Variants in CDKN2B-AS1 observed in about 807,000 individuals in gnomAD.
The protein encoded by CDKN2B-AS1 is CDKN2B antisense RNA 1 (non-protein coding).
At chr9:22,113,979 A>G (rs1218275550) in intron 4 of CDKN2B-AS1, among the ~76,000 whole-genome samples, 1 of 152,236 alleles carries the variant, frequency 6.6e-6, no homozygotes, top group Non-Finnish European at 1.5e-5. Context: ...TCTCTTAAAA[A>G]GACTCTATAG....
chr9:22,048,946 G>T (rs1039760294), intron 2 of CDKN2B-AS1, among the ~76,000 whole-genome samples: 2 of 152,138 alleles, frequency 1.3e-5, no homozygotes, highest in East Asian at 1.9e-4. Context: ...CATGTAAGAG[G>T]TATAGTACTA....
At chr9:22,105,404 C>G (rs1825623580) in intron 4 of CDKN2B-AS1, among the ~76,000 whole-genome samples, 2 of 152,174 alleles carry the variant, frequency 1.3e-5, no homozygotes, top group Non-Finnish European at 2.9e-5. Context: ...GGATAGCTCA[C>G]CTTTCTTCCA....
At position 22,006,206 on chromosome 9, in the gene CDKN2B-AS1, C is replaced by T; in HGVS notation, n.29+11045C>T. ...CGCAGTTGGGCTCCGCGCCGTGGAG[C>T]AGCAGCAGCTCCGCCACGCGGGCGC... On this transcript the variant is annotated intron_variant and non_coding_transcript_variant, in intron 1 of 4. Coordinates refer to ENST00000650946, the Ensembl canonical transcript of CDKN2B-AS1. This position sits in a 1 kb window ranked among gnomAD's most constrained non-coding sequence, Gnocchi z 6.4. 1 of 1,608,362 alleles carries T rather than the reference C, an allele frequency of 6.2e-7. No homozygotes were observed. Among genetic ancestry groups the T allele is most frequent in the Non-Finnish European group, 8.5e-7 (1 of 1,179,830 alleles).
intron 4 of CDKN2B-AS1, among the ~76,000 whole-genome samples, chr9:22,065,189 G>T (rs761112818): frequency 1.3e-5 from 2 of 152,088 alleles, no homozygotes; most frequent in Non-Finnish European, 2.9e-5. Context: ...CACTTCTCCC[G>T]TCCAGAAGTT....
At chr9:22,032,166 G>A (rs1405636887) in intron 1 of CDKN2B-AS1, among the ~76,000 whole-genome samples, 1 of 152,066 alleles carries the variant, frequency 6.6e-6, no homozygotes, top group African/African-American at 2.4e-5. Flanking sequence ...GGGGAGAATG[G>A]TCATTTGTGA....
chr9:22,029,401 T>C lies in CDKN2B-AS1; in HGVS notation n.30-17350T>C, dbSNP rs1822372297. ...GAATCTAATCACATAGAGACTTGTCTGACAAATCCAGATTTTTTGGATGTT... is the reference window on the plus strand; with the variant it reads ...GAATCTAATCACATAGAGACTTGTCCGACAAATCCAGATTTTTTGGATGTT... On this transcript the variant is annotated intron_variant and non_coding_transcript_variant, in intron 1 of 4. Transcript: ENST00000650946. The C allele has an allele frequency of 3.9e-6, 3 of 779,080 alleles. No homozygotes were observed. In the Admixed American group the frequency reaches 5.1e-5, roughly 13 times the overall value. 48.3% of individuals were successfully genotyped at this position (779,080 alleles called of 1,614,324 possible).
chr9:22,017,822 T>TTA (rs879812498), intron 1 of CDKN2B-AS1, among the ~76,000 whole-genome samples: 3,372 of 152,306 alleles, frequency 0.022, 93 homozygotes, highest in African/African-American at 0.062. Context: ...AAAGAGGTGT[T>TTA]GCATTAGTAA....
intron 4 of CDKN2B-AS1, chr9:22,120,330 CA>C (rs1220096156): frequency 1.3e-5 from 2 of 152,186 alleles, no homozygotes; most frequent in Non-Finnish European, 2.9e-5. Flanking sequence ...GCTGTTTTTG[CA>C]AATCAGATTA....
At chr9:22,123,500 G>T (rs1826137254) in intron 4 of CDKN2B-AS1, among the ~76,000 whole-genome samples, 1 of 152,152 alleles carries the variant, frequency 6.6e-6, no homozygotes, top group Non-Finnish European at 1.5e-5. Flanking sequence ...GTAGAAGTTG[G>T]GGAGAAATGT....
intron 1 of CDKN2B-AS1, among the ~76,000 whole-genome samples, chr9:22,022,430 C>T (rs1213456171): frequency 2.6e-5 from 4 of 151,690 alleles, no homozygotes; most frequent in Admixed American, 2.6e-4. Flanking sequence ...CTTTTTTGTT[C>T]TTGTTGGTTT....
At chr9:22,092,999 G>A (rs1217033491) in intron 4 of CDKN2B-AS1, among the ~76,000 whole-genome samples, 1 of 152,144 alleles carries the variant, frequency 6.6e-6, no homozygotes, top group Non-Finnish European at 1.5e-5. Context: ...CTTTGAATGT[G>A]TCCCAGAGAT....
At chr9:22,097,094 C>G (rs147877336) in intron 4 of CDKN2B-AS1, among the ~76,000 whole-genome samples, 11 of 152,250 alleles carry the variant, frequency 7.2e-5, no homozygotes, top group Middle Eastern at 3.4e-3. Flanking sequence ...TTCTTTTGTC[C>G]TCTTCACCAG....
chr9:22,061,955 A>C (rs968827141), intron 4 of CDKN2B-AS1: 1 of 152,244 alleles, frequency 6.6e-6, no homozygotes, highest in African/African-American at 2.4e-5. Context: ...ATTATCAGAT[A>C]TGACACATTC....
rs1822812393 is a variant in CDKN2B-AS1, at chr9:22,039,336, T to G, written n.30-7415T>G. Among the ~76,000 whole-genome samples, 1 of 152,012 alleles carries G rather than the reference T, an allele frequency of 6.6e-6. No homozygotes were observed. The highest frequency in any genetic ancestry group is 1.5e-5 in the Non-Finnish European group (1 of 67,956). ...CACCTCAAATCCCTCAGTAGTCCTG[T>G]CTTTATGAAACCAGTATAATTTTTC... On this transcript the variant is annotated intron_variant and non_coding_transcript_variant, in intron 1 of 4. Transcript: ENST00000650946. This position sits in a 1 kb window ranked among gnomAD's most constrained non-coding sequence, Gnocchi z 4.4.
chr9:22,099,280 G>T (rs948781484), intron 4 of CDKN2B-AS1, among the ~76,000 whole-genome samples: 24 of 152,152 alleles, frequency 1.6e-4, no homozygotes, highest in African/African-American at 5.3e-4. Flanking sequence ...AATGGGAAGA[G>T]ACTTGAATGC....
chr9:22,124,401 A>T (rs1020362047), intron 4 of CDKN2B-AS1, among the ~76,000 whole-genome samples: 1 of 152,226 alleles, frequency 6.6e-6, no homozygotes. Flanking sequence ...AGTGACAAAG[A>T]GGACAGTTAA....
At chr9:22,021,697 A>G (rs962717560) in intron 1 of CDKN2B-AS1, among the ~76,000 whole-genome samples, 1 of 152,128 alleles carries the variant, frequency 6.6e-6, no homozygotes. Context: ...TTGGGCTGAG[A>G]CAATGGGGTC....
chr9:22,015,442 T>G (rs888082519), intron 1 of CDKN2B-AS1, among the ~76,000 whole-genome samples: 3 of 152,156 alleles, frequency 2.0e-5, no homozygotes, highest in African/African-American at 7.2e-5. Flanking sequence ...TTTTCGAAAT[T>G]GTTTGGTCAT....
chr9:22,061,225 C>T (rs1823806451), intron 4 of CDKN2B-AS1, among the ~76,000 whole-genome samples: 1 of 152,174 alleles, frequency 6.6e-6, no homozygotes, highest in African/African-American at 2.4e-5. Flanking sequence ...CAGTCTGGAA[C>T]TCCTTCCCCA....
Sources: gnomAD v4.1 joint callset for allele counts (sites outside exome capture counted in the v4.1 genomes callset) on GRCh38, gnomAD v4.1.1 for gene constraint, Gnocchi (gnomAD v3.1) non-coding constraint, MANE v1.5 for transcripts, NCBI Gene and HGNC (gene_info 2026-07-23, HGNC 2026-07-21) for gene names.